Variants in HIP1 observed in about 807,000 individuals in gnomAD.
The protein encoded by HIP1 is huntingtin-interacting protein 1.
A neutral mutation model predicts 147.6 loss-of-function variants in HIP1; 65 were observed. The observed-to-expected ratio is 0.44, with a 90% confidence interval of 0.36 to 0.54. The LOEUF (loss-of-function observed/expected upper bound fraction) is 0.54, where lower values mean the gene tolerates loss of function less well. HIP1 is among the 20% of genes least tolerant of loss of function. HIP1 has a pLI of 0.00. For synonymous variants in HIP1, 479 were observed against 504.0 expected, an observed-to-expected ratio of 0.95 and a Z score of 0.67; for missense variants, 1,061 against 1,299.6, an observed-to-expected ratio of 0.82 and a Z score of 2.82.
chr7:75,566,121 T>C (rs1795392940), intron 9 of HIP1, among the ~76,000 whole-genome samples: 1 of 151,238 alleles, frequency 6.6e-6, no homozygotes, highest in Non-Finnish European at 1.5e-5. Context: ...CTCCACCTCC[T>C]GGGTTCAAGC....
At chr7:75,581,132 C>T in intron 7 of HIP1, 105 bp downstream of exon 7, 1 of 813,446 alleles carries the variant, frequency 1.2e-6, no homozygotes, top group Non-Finnish European at 2.1e-6. Context: ...GTGTGAATGT[C>T]TCCATTTTCC....
intron 1 of HIP1, among the ~76,000 whole-genome samples, chr7:75,714,119 A>C (rs966684027): frequency 9.9e-5 from 15 of 150,826 alleles, no homozygotes; most frequent in Non-Finnish European, 3.0e-5. Flanking sequence ...GGCTCACTGC[A>C]ACCTCTGCCT....
intron 1 of HIP1, among the ~76,000 whole-genome samples, chr7:75,632,482 G>T (rs1179628): frequency 0.047 from 7,179 of 151,878 alleles, 160 homozygotes; most frequent in African/African-American, 0.073. Context: ...CATAGCTCAC[G>T]GCAGCCCTGA....
chr7:75,568,297 A>G lies in HIP1; in HGVS notation c.746-41T>C, dbSNP rs1554495955. The G allele has an allele frequency of 7.1e-7, 1 of 1,404,980 alleles. No homozygotes were observed. The highest frequency in any genetic ancestry group is 1.2e-5 in the South Asian group (1 of 86,834). 87.0% of individuals were successfully genotyped at this position (1,404,980 alleles called of 1,614,324 possible). A position where few individuals can be genotyped will look rare whatever the true frequency, so the allele number is the denominator to read the frequency against. On this transcript the variant is annotated intron_variant, in intron 8 of 30. Transcript: ENST00000336926. The surrounding 1 kb of genome is among the most constrained non-coding windows in gnomAD (Gnocchi z 4.1). ...AAGAGTGTGAGAGGGGAGGGGGACC[A>G]GAGGGCAGGGAAGCCACAGCGGGGC...
chr7:75,636,868 C>G (rs1798443309), intron 1 of HIP1, among the ~76,000 whole-genome samples: 2 of 152,148 alleles, frequency 1.3e-5, no homozygotes, highest in Admixed American at 1.3e-4. Context: ...TGGTCTGGCC[C>G]CAAACAACCA....
intron 17 of HIP1, 123 bp from the exon 18 acceptor site, chr7:75,556,292 A>G: frequency 8.4e-7 from 1 of 1,189,054 alleles, no homozygotes; most frequent in Non-Finnish European, 1.2e-6. Flanking sequence ...TTAACCTGCC[A>G]CTCTGATTCC....
chr7:75,592,626 A>G, intron 2 of HIP1, 112 bp from the exon 3 acceptor site: 1 of 1,138,022 alleles, frequency 8.8e-7, no homozygotes, highest in Non-Finnish European at 1.2e-6. Context: ...ATCACAGGGG[A>G]TAGAGGCTGC....
chr7:75,656,000 T>A (rs1487151048), intron 1 of HIP1, among the ~76,000 whole-genome samples: 1 of 151,834 alleles, frequency 6.6e-6, no homozygotes, highest in East Asian at 1.9e-4. Context: ...GTGCCTGTGG[T>A]CCCAACTACT....
Position 75,637,536 on chromosome 7 carries a change from A to ATTTTTTTTTT in HIP1, c.121-38299_121-38290dup, listed in dbSNP as rs869251770. Among the ~76,000 whole-genome samples, 29 of 70,892 alleles carry ATTTTTTTTTT rather than the reference A, an allele frequency of 4.1e-4. 1 individual carries two copies. Among genetic ancestry groups the ATTTTTTTTTT allele is most frequent in the Admixed American group, 1.1e-3 (5 of 4,634 alleles). The allele number at this position is 70,892 out of a possible 152,430, so 46.5% of individuals were successfully genotyped here. ...CTCCACCCCCATAGCTGCAGAGAGG[A>ATTTTTTTTTT]TTTTTTTTTTTTTTTTTTTTTTTTT... On this transcript the variant is annotated intron_variant, in intron 1 of 30. Coordinates refer to ENST00000336926, the MANE Select transcript of HIP1 (RefSeq NM_005338.7).
intron 1 of HIP1, among the ~76,000 whole-genome samples, chr7:75,616,628 G>A (rs971997913): frequency 4.0e-5 from 4 of 100,012 alleles, no homozygotes; most frequent in East Asian, 2.1e-4. Context: ...GGAGGAGGAC[G>A]AGGAGGAGGA....
intron 1 of HIP1, among the ~76,000 whole-genome samples, chr7:75,666,008 C>T (rs1554514581): frequency 2.6e-5 from 4 of 152,028 alleles, no homozygotes; most frequent in East Asian, 1.9e-4. Flanking sequence ...TGTTACTCAG[C>T]GAAATACCAC....
Position 75,553,570 on chromosome 7 carries a change from C to T in HIP1, c.2178G>A (p.Lys726=). 1 of 1,613,978 alleles carries T rather than the reference C, an allele frequency of 6.2e-7. No individual in the cohort carries two copies. The highest frequency in any genetic ancestry group is 8.5e-7 in the Non-Finnish European group (1 of 1,179,958). Residue 726 remains lysine, a synonymous_variant, in exon 22 of 31, where the codon AAG becomes AAA. Transcript: ENST00000336926. ...AGGCGAGGGTTTCCCTGCCATACTG[C>T]TTACAGGCCTCGGTCAGTGCTGGAG... ...EPADSLTEAC[K]QYGRETLAYL...
intron 1 of HIP1, among the ~76,000 whole-genome samples, chr7:75,667,069 G>A (rs1247952942): frequency 1.3e-5 from 2 of 152,038 alleles, no homozygotes; most frequent in African/African-American, 2.4e-5. Flanking sequence ...TGTTAAGAGT[G>A]GTTATGAGTG....
intron 1 of HIP1, 114 bp from the exon 2 acceptor site, chr7:75,599,361 G>T: frequency 1.2e-6 from 1 of 804,950 alleles, no homozygotes; most frequent in Non-Finnish European, 2.1e-6. Flanking sequence ...ACCTCCCCCA[G>T]CCCCACGGGT....
chr7:75,561,300 C>T (rs781929729), intron 13 of HIP1, 29 bp downstream of exon 13: 27 of 1,496,334 alleles, frequency 1.8e-5, no homozygotes, highest in South Asian at 1.0e-4. Flanking sequence ...TTTGGTGAAG[C>T]GCAAAGGCAG....
At chr7:75,538,326 T>G in intron 30 of HIP1, 102 bp from the exon 31 acceptor site, 1 of 873,752 alleles carries the variant, frequency 1.1e-6, no homozygotes, top group Non-Finnish European at 2.0e-6. Context: ...TACATTATAA[T>G]TATAACCATG....
chr7:75,606,896 G>A (rs1296456986), intron 1 of HIP1, among the ~76,000 whole-genome samples: 3 of 152,034 alleles, frequency 2.0e-5, no homozygotes, highest in African/African-American at 7.2e-5. Flanking sequence ...CCATTCTGCA[G>A]ATGAAGAAAC....
At chr7:75,663,720 G>A (rs1799387242) in intron 1 of HIP1, among the ~76,000 whole-genome samples, 1 of 151,060 alleles carries the variant, frequency 6.6e-6, no homozygotes, top group African/African-American at 2.4e-5. Context: ...GAGCCGCCAG[G>A]GAGTATTTAG....
intron 23 of HIP1, among the ~76,000 whole-genome samples, chr7:75,548,156 G>A (rs932427524): frequency 3.9e-5 from 6 of 152,144 alleles, no homozygotes; most frequent in African/African-American, 1.4e-4. Context: ...AGCCTTCTGA[G>A]TGGCTGGGAT....
Sources: allele counts gnomAD v4.1 joint callset (sites outside exome capture counted in the v4.1 genomes callset), GRCh38; gene constraint gnomAD v4.1.1; non-coding constraint Gnocchi (gnomAD v3.1); transcripts MANE v1.5; gene names NCBI Gene and HGNC (gene_info 2026-07-23, HGNC 2026-07-21).